SEMA3A: variants seen among roughly 807,000 people sequenced by gnomAD.
The protein encoded by SEMA3A is semaphorin-3A.
SEMA3A carries 29 observed loss-of-function variants against 97.9 expected under a neutral mutation model. That is an observed-to-expected ratio of 0.30 (90% confidence interval 0.22 to 0.40). The LOEUF is 0.40. Ranked by LOEUF, SEMA3A falls within the 10% of genes least tolerant of loss-of-function variation. SEMA3A has a pLI of 1.00. For synonymous variants in SEMA3A, 321 were observed against 323.7 expected (o/e 0.99, Z 0.09); for missense variants, 763 against 951.3 (o/e 0.80, Z 2.60).
intron 5 of SEMA3A, among the ~76,000 whole-genome samples, chr7:84,058,263 A>T (rs371422953): frequency 1.2e-4 from 18 of 152,226 alleles, no homozygotes; most frequent in African/African-American, 4.3e-4. Context: ...TTTTGGGAAC[A>T]TAGGTTTTCC....
At chr7:84,166,926 T>G (rs1584070409) in intron 1 of SEMA3A, among the ~76,000 whole-genome samples, 1 of 149,166 alleles carries the variant, frequency 6.7e-6, no homozygotes, top group Non-Finnish European at 1.5e-5. Flanking sequence ...GTAGCAGCAA[T>G]GTTGAATTAA....
intron 1 of SEMA3A, among the ~76,000 whole-genome samples, chr7:84,160,202 AT>A (rs897512434): frequency 5.2e-4 from 78 of 151,356 alleles, no homozygotes; most frequent in Admixed American, 2.2e-3. Context: ...ATTTAGTGAG[AT>A]TAAAAAAAAC....
At chr7:84,071,443 T>G (rs1793735682) in intron 4 of SEMA3A, among the ~76,000 whole-genome samples, 1 of 152,100 alleles carries the variant, frequency 6.6e-6, no homozygotes, top group Admixed American at 6.6e-5. Context: ...GGGTTAATTC[T>G]TTTTTAGGCC....
intron 3 of SEMA3A, among the ~76,000 whole-genome samples, chr7:84,267,146 T>A (rs1800026335): frequency 6.6e-6 from 1 of 152,108 alleles, no homozygotes; most frequent in African/African-American, 2.4e-5. Context: ...TCAAAGGAAA[T>A]GTTTATTGGA....
chr7:84,188,687 A>G (rs1283935602), intron 1 of SEMA3A, among the ~76,000 whole-genome samples: 1 of 151,824 alleles, frequency 6.6e-6, no homozygotes, highest in Non-Finnish European at 1.5e-5. Flanking sequence ...CCATCATTCT[A>G]ATTGTTTAGT....
chr7:84,429,377 A>G (rs2116314290), intron 1 of SEMA3A, among the ~76,000 whole-genome samples: 1 of 151,194 alleles, frequency 6.6e-6, no homozygotes, highest in East Asian at 1.9e-4. Flanking sequence ...ACAAGGGATC[A>G]CTAAGTTGTT....
In SEMA3A at chr7:84,309,001, A is replaced by G. The variant is rs560395591; in HGVS notation, c.-168-1709T>C. The stretch of plus-strand genomic sequence containing the variant: ...CCCGGCTAACTTTTGTATTTTTAGT[A>G]TAGACGGGGTTTCATCATGTTGGCC... On this transcript the variant is annotated intron_variant, in intron 2 of 3. Transcript: ENST00000424555. 2.8e-3 allele frequency among the ~76,000 whole-genome samples: 429 copies of G among 151,992 alleles called. 1 individual carries two copies. Among genetic ancestry groups the G allele is most frequent in the Non-Finnish European group, 4.3e-3 (290 of 67,958 alleles).
intron 1 of SEMA3A, among the ~76,000 whole-genome samples, chr7:84,462,143 T>G (rs576311001): frequency 6.6e-6 from 1 of 152,272 alleles, no homozygotes; most frequent in South Asian, 2.1e-4. Context: ...TATAAAGCAT[T>G]TTCCCATACA....
chr7:84,457,327 T>A (rs912986657), intron 1 of SEMA3A, among the ~76,000 whole-genome samples: 2 of 151,898 alleles, frequency 1.3e-5, no homozygotes, highest in African/African-American at 4.8e-5. Flanking sequence ...GCTCCTGTGC[T>A]CTCTCATGAG....
chr7:84,022,043 C>A (rs1353462534), intron 6 of SEMA3A, among the ~76,000 whole-genome samples: 1 of 151,996 alleles, frequency 6.6e-6, no homozygotes, highest in Non-Finnish European at 1.5e-5. Flanking sequence ...ATAATTAATG[C>A]ATTAAAATTT....
intron 15 of SEMA3A, among the ~76,000 whole-genome samples, chr7:83,965,402 T>C (rs1020509361): frequency 1.3e-5 from 2 of 150,996 alleles, no homozygotes; most frequent in Non-Finnish European, 3.0e-5. Context: ...AACAGCCATG[T>C]CTCCTAGGTC....
At chr7:84,405,701 G>A in intron 1 of SEMA3A, among the ~76,000 whole-genome samples, 1 of 152,144 alleles carries the variant, frequency 6.6e-6, no homozygotes, top group Non-Finnish European at 1.5e-5. Flanking sequence ...CTGTCTCTCA[G>A]ACCACAGTGC....
chr7:84,445,333 A>G (rs963045807), intron 1 of SEMA3A, among the ~76,000 whole-genome samples: 3 of 151,368 alleles, frequency 2.0e-5, no homozygotes, highest in Admixed American at 2.0e-4. Flanking sequence ...CTACTAAAAA[A>G]TACAACAAAA....
intron 1 of SEMA3A, among the ~76,000 whole-genome samples, chr7:84,429,545 T>TAGAGAG (rs1274042565): frequency 8.2e-6 from 1 of 122,262 alleles, no homozygotes; most frequent in African/African-American, 3.1e-5. Flanking sequence ...TATATATATA[T>TAGAGAG]ATAGCGAGAG....
At chr7:84,390,549 T>G (rs1324975879) in intron 1 of SEMA3A, among the ~76,000 whole-genome samples, 1 of 152,066 alleles carries the variant, frequency 6.6e-6, no homozygotes, top group Admixed American at 6.6e-5. Context: ...GTGTATATGG[T>G]AATTTTAATG....
intron 6 of SEMA3A, among the ~76,000 whole-genome samples, chr7:84,040,840 T>G (rs1792110413): frequency 6.6e-6 from 1 of 152,164 alleles, no homozygotes; most frequent in Non-Finnish European, 1.5e-5. Flanking sequence ...AAAAGGAAGC[T>G]GCCTTTGATA....
chr7:84,054,643 G>C (rs955652782), intron 5 of SEMA3A, among the ~76,000 whole-genome samples: 4 of 137,796 alleles, frequency 2.9e-5, no homozygotes, highest in African/African-American at 1.1e-4. Flanking sequence ...TTTGCCTTTG[G>C]TTTGAATGTC....
chr7:84,225,141 T>C lies in SEMA3A; in HGVS notation c.-82-30473A>G, dbSNP rs373814653. On this transcript the variant is annotated intron_variant, in intron 3 of 3. Coordinates refer to the SEMA3A transcript ENST00000424555. The stretch of plus-strand genomic sequence containing the variant: ...TTCTAATTGGTTACACATCAGTGAC[T>C]TCTAATTCTATGTCTCATGATTCTC... Among the ~76,000 whole-genome samples, 4 of 152,274 alleles carry C rather than the reference T, an allele frequency of 2.6e-5. No homozygotes were observed. In the East Asian group the frequency reaches 5.8e-4, roughly 22 times the overall value.
At chr7:83,975,809 T>C (rs6942410) in intron 15 of SEMA3A, among the ~76,000 whole-genome samples, 3,328 of 152,300 alleles carry the variant, frequency 0.022, 115 homozygotes, top group African/African-American at 0.076. Flanking sequence ...GGAATGGTGC[T>C]GATCATAATT....
Sources: allele counts gnomAD v4.1 joint callset (sites outside exome capture counted in the v4.1 genomes callset), GRCh38; gene constraint gnomAD v4.1.1; transcripts MANE v1.5; gene names NCBI Gene and HGNC (gene_info 2026-07-23, HGNC 2026-07-21).